TSPAN15: variants seen among roughly 807,000 people sequenced by gnomAD.
TSPAN15 encodes tetraspanin 15.
Under a neutral mutation model 34.5 loss-of-function variants are expected in TSPAN15, and 20 were observed. The observed-to-expected ratio is 0.58, with a 90% CI of 0.41 to 0.84. TSPAN15 has a LOEUF of 0.84. Among genes scored for constraint, TSPAN15 ranks in the 40% least tolerant of loss-of-function variants. The probability of loss-of-function intolerance (pLI) is 0.00; values close to 1 mark genes in which losing one functional copy is unlikely to be tolerated. For synonymous variants in TSPAN15, 155 were observed against 153.9 expected (o/e 1.01, Z -0.05); for missense variants, 313 against 386.1 (o/e 0.81, Z 1.59).
chr10:69,469,348 A>C (rs981376651), intron 1 of TSPAN15, among the ~76,000 whole-genome samples: 7 of 152,184 alleles, frequency 4.6e-5, no homozygotes, highest in Non-Finnish European at 1.0e-4. Context: ...TCTGTGAGCC[A>C]TTCGCGCAAA....
intron 1 of TSPAN15, among the ~76,000 whole-genome samples, chr10:69,462,155 G>GTTTTTTTTTTTTTTTTTTTTT (rs755068937): frequency 2.4e-5 from 2 of 82,704 alleles, no homozygotes; most frequent in Admixed American, 1.4e-4. Flanking sequence ...TAATTTTAAA[G>GTTTTTTTTTTTTTTTTTTTTT]TTTTTTTTTT....
the TSPAN15 span, among the ~76,000 whole-genome samples, chr10:69,529,224 T>C: frequency 0.2 from 29,529 of 146,978 alleles, 4,703 homozygotes; most frequent in Middle Eastern, 0.29. Flanking sequence ...GTGGCTGCAG[T>C]GGCACCTGGA....
At chr10:69,495,536 TG>T in intron 3 of TSPAN15, 57 bp from the exon 4 acceptor site, 1 of 1,315,556 alleles carries the variant, frequency 7.6e-7, no homozygotes, top group Admixed American at 1.7e-5. Context: ...TGGAAAACCT[TG>T]GGTTGGACTC....
At position 69,506,317 on chromosome 10, in the gene TSPAN15, G is replaced by T; in HGVS notation, c.735+77G>T. The T allele has an allele frequency of 7.1e-7, 1 of 1,412,268 alleles. No individual in the cohort carries two copies. 87.5% of individuals were successfully genotyped at this position (1,412,268 alleles called of 1,614,324 possible). ...CAGAGAAGGTGCAGAGGGGAAGAGC[G>T]AAGAGGCTTTTTTCATAGAAGTCCA... On this transcript the variant is annotated intron_variant, in intron 7 of 7. Coordinates refer to ENST00000373290, the MANE Select transcript of TSPAN15 (RefSeq NM_012339.5). The surrounding 1 kb of genome is among the most constrained non-coding windows in gnomAD (Gnocchi z 4.7).
intron 1 of TSPAN15, among the ~76,000 whole-genome samples, chr10:69,473,094 T>G (rs1363766644): frequency 6.6e-6 from 1 of 152,218 alleles, no homozygotes; most frequent in Non-Finnish European, 1.5e-5. Flanking sequence ...TTTATAGATA[T>G]TCAGAAGTGG....
At chr10:69,528,327 C>G in the TSPAN15 span, among the ~76,000 whole-genome samples, 1 of 148,742 alleles carries the variant, frequency 6.7e-6, no homozygotes. Context: ...AAGAGGGATA[C>G]CCAGCTCTGG....
Position 69,507,410 on chromosome 10 carries a change from G to A in TSPAN15, c.*432G>A, listed in dbSNP as rs1842355929. On this transcript the variant is annotated 3_prime_UTR_variant, in exon 8 of 8. Transcript: ENST00000373290. ...AGGGCATCTGGGGAAGGGCAGGAGGGAAGAGCTGTCCATGCAGCCACGCCC... is the reference window on the plus strand; with the variant it reads ...AGGGCATCTGGGGAAGGGCAGGAGGAAAGAGCTGTCCATGCAGCCACGCCC... 9.6e-6 allele frequency: 12 copies of A among 1,250,418 alleles called. No homozygotes were observed. The highest frequency in any genetic ancestry group is 4.3e-5 in the South Asian group (3 of 70,442). The allele number at this position is 1,250,418 out of a possible 1,614,324, so 77.5% of individuals were successfully genotyped here. A position where few individuals can be genotyped will look rare whatever the true frequency, so the allele number is the denominator to read the frequency against.
At chr10:69,510,979 G>A (rs1476952779), downstream of TSPAN15, among the ~76,000 whole-genome samples, 1 of 152,196 alleles carries the variant, frequency 6.6e-6, no homozygotes, top group South Asian at 2.1e-4. Flanking sequence ...TGGTTTGCCA[G>A]TATTTTATTG....
At chr10:69,530,802 CTCTCTCTCTCTCTCTCTCTATA>C in the TSPAN15 span, among the ~76,000 whole-genome samples, 1 of 65,984 alleles carries the variant, frequency 1.5e-5, no homozygotes, top group Admixed American at 2.1e-4. Context: ...CTCTCTCTCT[CTCTCTCTCTCTCTCTCTCTATA>C]TATATATATA....
At chr10:69,493,556 T>C (rs1842013968) in intron 3 of TSPAN15, among the ~76,000 whole-genome samples, 1 of 139,458 alleles carries the variant, frequency 7.2e-6, no homozygotes, top group Non-Finnish European at 1.5e-5. Flanking sequence ...CACTGCAACC[T>C]CTGCCTCCCA....
the TSPAN15 span, among the ~76,000 whole-genome samples, chr10:69,543,452 A>G: frequency 6.6e-6 from 1 of 152,170 alleles, no homozygotes; most frequent in South Asian, 2.1e-4. Context: ...TCCACTGTCT[A>G]TTTGTTGAGA....
chr10:69,510,961 G>A (rs60477369), downstream of TSPAN15, among the ~76,000 whole-genome samples: 8,821 of 152,210 alleles, frequency 0.058, 327 homozygotes, highest in South Asian at 0.11. Context: ...TTGATGTGCT[G>A]CTGGATTTGG....
chr10:69,544,183 T>G, the TSPAN15 span, among the ~76,000 whole-genome samples: 1 of 152,200 alleles, frequency 6.6e-6, no homozygotes, highest in Non-Finnish European at 1.5e-5. Context: ...CATTATACAC[T>G]TTTTTACCTT....
the TSPAN15 span, among the ~76,000 whole-genome samples, chr10:69,547,418 C>T: frequency 6.6e-6 from 1 of 152,138 alleles, no homozygotes; most frequent in East Asian, 1.9e-4. Context: ...ATGAATCAGA[C>T]CCTGGCCCTG....
At chr10:69,515,708 G>A in the TSPAN15 span, among the ~76,000 whole-genome samples, 2 of 152,314 alleles carry the variant, frequency 1.3e-5, no homozygotes, top group Non-Finnish European at 2.9e-5. Flanking sequence ...TCCACAGCTC[G>A]TGACCCCTTG....
chr10:69,545,645 G>A, the TSPAN15 span, among the ~76,000 whole-genome samples: 2 of 152,220 alleles, frequency 1.3e-5, no homozygotes, highest in Admixed American at 6.5e-5. Context: ...GGTAGCTGAG[G>A]CTGGCTAACT....
chr10:69,485,348 G>A, intron 3 of TSPAN15, 133 bp downstream of exon 3: 1 of 791,630 alleles, frequency 1.3e-6, no homozygotes, highest in Non-Finnish European at 2.2e-6. Flanking sequence ...GAAAGAGAAT[G>A]ACAGGCACTG....
rs1311773838 is a variant in TSPAN15, at chr10:69,504,176, C to G, written c.571-262C>G. The stretch of plus-strand genomic sequence containing the variant: ...GCACACCTTTCTCTGGGGTCCTGAT[C>G]TGCTGCTAGTGGAGGGGTGGTTCTC... On this transcript the variant is annotated intron_variant, in intron 5 of 7. Coordinates refer to ENST00000373290, the MANE Select transcript of TSPAN15 (RefSeq NM_012339.5). Among the ~76,000 whole-genome samples the G allele has an allele frequency of 2.6e-5, 4 of 151,798 alleles. No homozygotes were observed. In the South Asian group the frequency reaches 8.4e-4, roughly 32 times the overall value.
chr10:69,466,998 C>G (rs998684967), intron 1 of TSPAN15, among the ~76,000 whole-genome samples: 2 of 152,208 alleles, frequency 1.3e-5, no homozygotes, highest in Non-Finnish European at 2.9e-5. Flanking sequence ...AGCGCCAGCC[C>G]TCTGGGAGCC....
Sources: gnomAD v4.1 joint callset for allele counts (sites outside exome capture counted in the v4.1 genomes callset) on GRCh38, gnomAD v4.1.1 for gene constraint, Gnocchi (gnomAD v3.1) non-coding constraint, MANE v1.5 for transcripts, NCBI Gene and HGNC (gene_info 2026-07-23, HGNC 2026-07-21) for gene names.